UTP25: variants seen among roughly 807,000 people sequenced by gnomAD.
UTP25 encodes the protein UTP25 small subunit processome component, also known as U3 small nucleolar RNA-associated protein 25 homolog.
Under a neutral mutation model 78.9 loss-of-function variants are expected in UTP25, and 50 were observed. The observed-to-expected ratio is 0.63, with a 90% CI of 0.50 to 0.80. The LOEUF is 0.80. Among genes scored for constraint, UTP25 ranks in the 30% least tolerant of loss-of-function variants. The pLI, the probability that UTP25 is intolerant of heterozygous loss-of-function variation, is 0.00. For missense variants in UTP25, 846 were observed against 911.3 expected (o/e 0.93, Z 0.92); for synonymous variants, 329 against 336.5 (o/e 0.98, Z 0.24).
chr1:209,843,156 G>A, intron 10 of UTP25: 2 of 444,502 alleles, frequency 4.5e-6, no homozygotes, highest in Non-Finnish European at 8.1e-6. Context: ...TGGACTGAGT[G>A]ACTGAGTGAC....
At position 209,836,884 on chromosome 1, in the gene UTP25, G is replaced by A; in HGVS notation, c.735G>A (p.Lys245=). The change falls in exon 6 of 12, where the codon AAG becomes AAA. Residue 245 remains lysine, a synonymous_variant. Transcript: ENST00000491415. The stretch of plus-strand genomic sequence containing the variant: ...AACCCCCAAAGGATATTGACTTAAA[G>A]TCACTTCATCTCCAGAAGCCTCTGG... ...TFKPPKDIDL[K]SLHLQKPLES... 6.2e-7 allele frequency: 1 copy of A among 1,614,056 alleles called. No individual in the cohort carries two copies. Among genetic ancestry groups the A allele is most frequent in the South Asian group, 1.1e-5 (1 of 91,074 alleles).
intron 6 of UTP25, 28 bp downstream of exon 6, chr1:209,837,239 C>G: frequency 6.3e-7 from 1 of 1,598,398 alleles, no homozygotes. Context: ...GCTTTGCTCT[C>G]GAGGAGGTGG....
chr1:209,833,700 T>A (rs1285720558), intron 4 of UTP25, among the ~76,000 whole-genome samples: 5 of 152,064 alleles, frequency 3.3e-5, no homozygotes, highest in Non-Finnish European at 1.5e-5. Flanking sequence ...CCTCACTTGC[T>A]GTTCCTTTTT....
rs964918005 is a variant in UTP25 at position 209,842,988 on chromosome 1, T to A, written c.1781+293T>A. The A allele has an allele frequency of 2.3e-5, 9 of 384,054 alleles. No individual in the cohort carries two copies. The Admixed American group carries it at 3.4e-4, about 15-fold the overall frequency. The allele number at this position is 384,054 out of a possible 1,614,324, so 23.8% of individuals were successfully genotyped here. ...ATACAGCTTTATGCTACAAAGTGTC[T>A]CATGTCAGCAAGTTAATTGTAAGCC... On this transcript the variant is annotated intron_variant, in intron 10 of 11. Transcript: ENST00000491415.
Position 209,838,985 on chromosome 1 carries a change from G to A in UTP25, c.1139G>A (p.Ser380Asn), listed in dbSNP as rs528239700. The A allele has an allele frequency of 8.1e-6, 13 of 1,614,104 alleles. No individual in the cohort carries two copies. The South Asian group carries it at 1.3e-4, about 16-fold the overall frequency. The change falls in exon 7 of 12, where the codon AGC becomes AAC. Residue 380 changes from serine to asparagine, a missense_variant. By Grantham distance (46) the Ser-to-Asn change is conservative (BLOSUM62 1). Transcript: ENST00000491415. ...TTCATCAGCCTCCTCGAGGGTGACA[G>A]CAAGAAGAAAATCATTGTGAGCAAC... Reference protein sequence around the residue: ...QLFISLLEGDSKKKIIVSNKK... With the variant: ...QLFISLLEGDNKKKIIVSNKK...
Position 209,854,574 on chromosome 1 carries a change from G to C in UTP25, c.*3127G>C, listed in dbSNP as rs554481775. 1 of 152,260 alleles carries C rather than the reference G, an allele frequency of 6.6e-6. No homozygotes were observed. The highest frequency in any genetic ancestry group is 1.5e-5 in the Non-Finnish European group (1 of 68,094). 9.4% of individuals were successfully genotyped at this position (152,260 alleles called of 1,614,324 possible). ...GGCTCTCAGCCCTGATTGTGCCCTCGTGAGGGCAAGGAGCTATGCTGCTGA... is the reference window on the plus strand; with the variant it reads ...GGCTCTCAGCCCTGATTGTGCCCTCCTGAGGGCAAGGAGCTATGCTGCTGA... On this transcript the variant is annotated 3_prime_UTR_variant, in exon 12 of 12. Transcript: ENST00000491415.
chr1:209,835,928 A>G (rs963015322), intron 5 of UTP25, among the ~76,000 whole-genome samples: 4 of 152,136 alleles, frequency 2.6e-5, no homozygotes, highest in East Asian at 1.9e-4. Context: ...TTTATATACA[A>G]TTTTATCATG....
intron 11 of UTP25, chr1:209,843,972 G>A (rs896621061): frequency 5.2e-6 from 2 of 386,914 alleles, no homozygotes; most frequent in African/African-American, 2.0e-5. Context: ...ACTGCAAGAA[G>A]GACATTACAG....
Position 209,851,587 on chromosome 1 carries a change from C to G in UTP25, c.*140C>G. The stretch of plus-strand genomic sequence containing the variant: ...AGGCAATGTCAGTATTATCTGACAT[C>G]TTTCTTTTCAGGTCATGTGTCCCTG... On this transcript the variant is annotated 3_prime_UTR_variant, in exon 12 of 12. Transcript: ENST00000491415. 8.9e-7 allele frequency: 1 copy of G among 1,126,114 alleles called. No homozygotes were observed. The highest frequency in any genetic ancestry group is 1.2e-6 in the Non-Finnish European group (1 of 828,030). 69.8% of individuals were successfully genotyped at this position (1,126,114 alleles called of 1,614,324 possible).
At position 209,851,424 on chromosome 1, in the gene UTP25, CTCT is replaced by C; in HGVS notation, c.2251_2253del (p.Phe751del). On this transcript the variant is annotated inframe_deletion, in exon 12 of 12. Transcript: ENST00000491415. ...GCTACAGTCCAACAAGAATGTCCAC[CTCT>C]TCATTACTGGAGAAAAATGAAATTT... is the stretch of plus-strand genomic sequence containing the variant. 6.2e-7 allele frequency: 1 copy of C among 1,605,992 alleles called. No individual in the cohort carries two copies. Among genetic ancestry groups the C allele is most frequent in the Non-Finnish European group, 8.5e-7 (1 of 1,176,528 alleles).
At position 209,837,547 on chromosome 1, in the gene UTP25, T is replaced by C. The variant is rs1242680533; in HGVS notation, c.1062+336T>C. ...CTGGATGGGACCTTAATGAGCCTTT[T>C]ATCCAATCCCTCCATATTACAGCTG... On this transcript the variant is annotated intron_variant, in intron 6 of 11. Transcript: ENST00000491415. 3.9e-5 allele frequency among the ~76,000 whole-genome samples: 6 copies of C among 152,236 alleles called. No homozygotes were observed. In the East Asian group the frequency reaches 9.6e-4, roughly 24 times the overall value.
At position 209,853,262 on chromosome 1, in the gene UTP25, T is replaced by C. The variant is rs1216843148; in HGVS notation, c.*1815T>C. 1.3e-5 allele frequency: 2 copies of C among 152,224 alleles called. No homozygotes were observed. Among genetic ancestry groups the C allele is most frequent in the Non-Finnish European group, 2.9e-5 (2 of 68,040 alleles). 9.4% of individuals were successfully genotyped at this position (152,224 alleles called of 1,614,324 possible). On this transcript the variant is annotated 3_prime_UTR_variant, in exon 12 of 12. Coordinates refer to ENST00000491415, the MANE Select transcript of UTP25 (RefSeq NM_014388.7). ...CCTGTGGTTACTGGCGTAATTGTGCTGCTGTTTATCATAGATCCTGTATAT... is the reference window on the plus strand; with the variant it reads ...CCTGTGGTTACTGGCGTAATTGTGCCGCTGTTTATCATAGATCCTGTATAT...
chr1:209,836,052 C>G (rs1572001904), intron 5 of UTP25, among the ~76,000 whole-genome samples: 1 of 152,264 alleles, frequency 6.6e-6, no homozygotes, highest in African/African-American at 2.4e-5. Context: ...CTGCCCCACC[C>G]CCATTTCTAA....
intron 1 of UTP25, among the ~76,000 whole-genome samples, chr1:209,829,347 A>G (rs1309811832): frequency 1.3e-5 from 2 of 152,176 alleles, no homozygotes; most frequent in Non-Finnish European, 2.9e-5. Flanking sequence ...TGATCTTTGC[A>G]ATTACGATAA....
intron 11 of UTP25, chr1:209,844,727 C>G (rs1016230944): frequency 6.6e-6 from 1 of 151,446 alleles, no homozygotes; most frequent in African/African-American, 2.4e-5. Context: ...CCCTTCTGGC[C>G]CTAGAGCTCA....
chr1:209,839,165 G>C (rs1558054043), intron 7 of UTP25, 37 bp downstream of exon 7: 1 of 1,548,374 alleles, frequency 6.5e-7, no homozygotes, highest in Non-Finnish European at 8.8e-7. Flanking sequence ...CCTAAAGTGT[G>C]AAGGTCTACA....
intron 11 of UTP25, among the ~76,000 whole-genome samples, chr1:209,847,253 G>T (rs1260659389): frequency 6.6e-6 from 1 of 152,152 alleles, no homozygotes; most frequent in Admixed American, 6.5e-5. Flanking sequence ...TATTTGAAAA[G>T]ATTTCATTGT....
In UTP25 at chr1:209,837,129, G is replaced by A. The variant is rs375115550; in HGVS notation, c.980G>A (p.Gly327Asp). 8 of 1,614,098 alleles carry A rather than the reference G, an allele frequency of 5.0e-6. No homozygotes were observed. The African/African-American group carries it at 8.0e-5, about 16-fold the overall frequency. Residue 327 changes from glycine to aspartate, a missense_variant, in exon 6 of 12, where the codon GGC becomes GAC. Transcript: ENST00000491415. ...HILKANAQVL[G>D]NNSRRRSQKF... The stretch of plus-strand genomic sequence containing the variant: ...CTCAAAGCCAATGCCCAGGTGCTTG[G>A]CAACAATAGCAGACGCCGAAGCCAG...
rs1445372323 is a variant in UTP25 at position 209,855,270 on chromosome 1, A to G, written c.*3823A>G. 6.6e-6 allele frequency: 1 copy of G among 152,116 alleles called. No individual in the cohort carries two copies. The highest frequency in any genetic ancestry group is 1.5e-5 in the Non-Finnish European group (1 of 68,046). The allele number at this position is 152,116 out of a possible 1,614,324, so 9.4% of individuals were successfully genotyped here. A position where few individuals can be genotyped will look rare whatever the true frequency, so the allele number is the denominator to read the frequency against. On this transcript the variant is annotated 3_prime_UTR_variant, in exon 12 of 12. Coordinates refer to ENST00000491415, the MANE Select transcript of UTP25 (RefSeq NM_014388.7). The stretch of plus-strand genomic sequence containing the variant: ...TAAAGCTAAACACATGTTCCTGTCT[A>G]CTTTTGCTTTGTTCCTGTTTCCCTT...
Sources: allele counts gnomAD v4.1 joint callset (sites outside exome capture counted in the v4.1 genomes callset), GRCh38; gene constraint gnomAD v4.1.1; transcripts MANE v1.5; gene names NCBI Gene and HGNC (gene_info 2026-07-23, HGNC 2026-07-21).